PRSS12: variants seen among roughly 807,000 people sequenced by gnomAD.
The protein encoded by PRSS12 is serine protease 12.
Under a neutral mutation model 104.4 loss-of-function variants are expected in PRSS12, and 85 were observed. The observed-to-expected ratio is 0.81, with a 90% CI of 0.68 to 0.98. The LOEUF is 0.98. PRSS12 is among the 50% of genes least tolerant of loss of function. The pLI is 0.00. For missense variants in PRSS12, 1,141 were observed against 1,139.2 expected, an observed-to-expected ratio of 1.00 and a Z score of -0.02; for synonymous variants, 454 against 425.2, an observed-to-expected ratio of 1.07 and a Z score of -0.83.
intron 1 of PRSS12, among the ~76,000 whole-genome samples, chr4:118,349,492 C>A (rs955252660): frequency 6.6e-6 from 1 of 152,106 alleles, no homozygotes; most frequent in African/African-American, 2.4e-5. Flanking sequence ...ACATAATTCC[C>A]TTTCTTCCTG....
intron 3 of PRSS12, among the ~76,000 whole-genome samples, chr4:118,333,762 T>C (rs1281342548): frequency 1.3e-5 from 2 of 152,208 alleles, no homozygotes; most frequent in Non-Finnish European, 2.9e-5. Flanking sequence ...TTGTGTTTTA[T>C]TTTAAAATGT....
At chr4:118,298,075 T>C (rs1743295647) in intron 9 of PRSS12, among the ~76,000 whole-genome samples, 1 of 150,962 alleles carries the variant, frequency 6.6e-6, no homozygotes. Flanking sequence ...GAGGTGGAGG[T>C]TGCAGTGAGT....
Position 118,314,627 on chromosome 4 carries a change from T to C in PRSS12, c.1293-1230A>G, listed in dbSNP as rs1007490057. On this transcript the variant is annotated intron_variant, in intron 6 of 12. Coordinates refer to ENST00000296498, the MANE Select transcript of PRSS12 (RefSeq NM_003619.4). ...TTTTCTCATTACAAAAGAATATTCT[T>C]TTTCAAAAATTCCTTTGTAAACTAG... Among the ~76,000 whole-genome samples the C allele has an allele frequency of 1.6e-4, 24 of 152,248 alleles. No individual in the cohort carries two copies. The East Asian group carries it at 4.4e-3, about 28-fold the overall frequency.
At chr4:118,288,849 A>G (rs1340884008) in intron 11 of PRSS12, among the ~76,000 whole-genome samples, 2 of 152,244 alleles carry the variant, frequency 1.3e-5, no homozygotes, top group African/African-American at 2.4e-5. Flanking sequence ...TTTCCAATTC[A>G]AATTGCCAAC....
intron 4 of PRSS12, among the ~76,000 whole-genome samples, chr4:118,328,872 C>A (rs1246116854): frequency 6.6e-6 from 1 of 152,126 alleles, no homozygotes; most frequent in Non-Finnish European, 1.5e-5. Flanking sequence ...TGGCTCACTG[C>A]AACCTCTGCC....
chr4:118,298,429 C>T (rs1427757444), intron 9 of PRSS12, among the ~76,000 whole-genome samples: 1 of 152,180 alleles, frequency 6.6e-6, no homozygotes, highest in African/African-American at 2.4e-5. Flanking sequence ...TCAAAGATAG[C>T]AACAAGCATG....
chr4:118,299,084 T>G, intron 8 of PRSS12, 146 bp from the exon 9 acceptor site: 1 of 929,436 alleles, frequency 1.1e-6, no homozygotes, highest in Non-Finnish European at 1.6e-6. Context: ...TTCATGACTG[T>G]CAAAAAAAAT....
At chr4:118,322,395 CA>C (rs1448007940) in intron 4 of PRSS12, among the ~76,000 whole-genome samples, 2 of 151,850 alleles carry the variant, frequency 1.3e-5, no homozygotes, top group African/African-American at 4.8e-5. Context: ...ACTAAAAATA[CA>C]AAAATTAGCT....
chr4:118,308,278 T>C (rs991467526), intron 8 of PRSS12, among the ~76,000 whole-genome samples, 158 bp downstream of exon 8: 16 of 152,360 alleles, frequency 1.1e-4, no homozygotes, highest in Middle Eastern at 3.4e-3. Context: ...GCTCTACTTA[T>C]TACTTCTTTA....
chr4:118,296,120 T>C (rs1426268960), intron 9 of PRSS12, among the ~76,000 whole-genome samples: 1 of 152,236 alleles, frequency 6.6e-6, no homozygotes, highest in Non-Finnish European at 1.5e-5. Context: ...TGTCCAGTAC[T>C]TTATCCTGGT....
intron 4 of PRSS12, among the ~76,000 whole-genome samples, chr4:118,329,207 A>G (rs942309151): frequency 6.6e-5 from 10 of 152,244 alleles, no homozygotes; most frequent in African/African-American, 2.4e-4. Flanking sequence ...TGGCCACAAC[A>G]TGGATTTTTG....
At chr4:118,326,419 T>C (rs530073327) in intron 4 of PRSS12, among the ~76,000 whole-genome samples, 2 of 152,294 alleles carry the variant, frequency 1.3e-5, no homozygotes, top group East Asian at 3.9e-4. Flanking sequence ...AATTTACTGA[T>C]AAGGAAACAG....
intron 6 of PRSS12, 143 bp from the exon 7 acceptor site, chr4:118,313,540 G>T: frequency 1.1e-6 from 1 of 877,392 alleles, no homozygotes; most frequent in Non-Finnish European, 1.8e-6. Context: ...TGGGGACGCA[G>T]TTTAGAGCTA....
At chr4:118,324,548 A>G (rs958360153) in intron 4 of PRSS12, among the ~76,000 whole-genome samples, 2 of 152,064 alleles carry the variant, frequency 1.3e-5, no homozygotes, top group African/African-American at 4.8e-5. Context: ...TCAAGGAAAA[A>G]GCAAAAGTTC....
chr4:118,309,354 A>G (rs974453599), intron 7 of PRSS12, among the ~76,000 whole-genome samples: 1 of 152,196 alleles, frequency 6.6e-6, no homozygotes, highest in East Asian at 1.9e-4. Flanking sequence ...CATTAGGGTG[A>G]GCCCTAATCA....
intron 8 of PRSS12, among the ~76,000 whole-genome samples, chr4:118,299,657 G>A (rs1743342368): frequency 6.8e-6 from 1 of 147,792 alleles, no homozygotes; most frequent in Non-Finnish European, 1.5e-5. Flanking sequence ...TCCAGCTTGG[G>A]CAACAAGAGC....
intron 4 of PRSS12, among the ~76,000 whole-genome samples, chr4:118,323,189 T>C (rs146014052): frequency 2.2e-4 from 34 of 151,368 alleles, no homozygotes; most frequent in African/African-American, 8.2e-4. Context: ...ACACTGAGAG[T>C]TGAAGGACAA....
At position 118,335,586 on chromosome 4, in the gene PRSS12, T is replaced by C. The variant is rs747094120; in HGVS notation, c.707A>G (p.Asn236Ser). Reference protein sequence around the residue: ...GLGLIPIYWSNVRCRGDEENI... With the variant: ...GLGLIPIYWSSVRCRGDEENI... ...TTCTTCATCTCCTCGGCAACGGACATTGCTCCAATAAATGGGAATAAGGCC... is the reference window on the plus strand; with the variant it reads ...TTCTTCATCTCCTCGGCAACGGACACTGCTCCAATAAATGGGAATAAGGCC... The change falls in exon 3 of 13, where the codon AAT (asparagine) becomes AGT (serine). Residue 236 changes from asparagine to serine, a missense_variant. Transcript: ENST00000296498. 1 of 1,614,098 alleles carries C rather than the reference T, an allele frequency of 6.2e-7. No homozygotes were observed. The highest frequency in any genetic ancestry group is 8.5e-7 in the Non-Finnish European group (1 of 1,179,982).
chr4:118,294,154 C>T (rs1382368610), intron 11 of PRSS12, among the ~76,000 whole-genome samples: 2 of 152,120 alleles, frequency 1.3e-5, no homozygotes. Flanking sequence ...CAATGTGGTA[C>T]ACATTTTTTT....
Sources: gnomAD v4.1 joint callset for allele counts (sites outside exome capture counted in the v4.1 genomes callset) on GRCh38, gnomAD v4.1.1 for gene constraint, MANE v1.5 for transcripts, NCBI Gene and HGNC (gene_info 2026-07-23, HGNC 2026-07-21) for gene names.